The following CIMAP3 variants were observed in gnomAD, a reference collection of about 807,000 sequenced individuals.
The protein encoded by CIMAP3 is ciliary microtubule associated protein 3.
At chr1:111,351,872 C>T in the CIMAP3 span, 1 of 152,408 alleles carries the variant, frequency 6.6e-6, no homozygotes, top group Non-Finnish European at 1.5e-5. Context: ...TTTCCTATGA[C>T]ATCATCCATT....
the CIMAP3 span, among the ~76,000 whole-genome samples, chr1:111,343,391 C>T: frequency 6.6e-6 from 1 of 152,130 alleles, no homozygotes; most frequent in Non-Finnish European, 1.5e-5. Context: ...TGAGAAAAGC[C>T]ATTAACTGTC....
At chr1:111,325,210 C>T in the CIMAP3 span, among the ~76,000 whole-genome samples, 125 of 151,696 alleles carry the variant, frequency 8.2e-4, no homozygotes, top group African/African-American at 2.9e-3. Flanking sequence ...TCACTGTATA[C>T]GATTTGTCCT....
the CIMAP3 span, among the ~76,000 whole-genome samples, chr1:111,329,547 ATATATATATATAAT>A: frequency 9.2e-3 from 616 of 67,096 alleles, 4 homozygotes; most frequent in African/African-American, 0.023. Flanking sequence ...ATATATATAT[ATATATATATATAAT>A]TTTTTTTTTT....
the CIMAP3 span, among the ~76,000 whole-genome samples, chr1:111,328,116 A>G: frequency 2.6e-5 from 4 of 152,226 alleles, no homozygotes; most frequent in African/African-American, 7.2e-5. Flanking sequence ...CCCAAAAGTC[A>G]TTCAGAAGCA....
At chr1:111,330,271 G>A in the CIMAP3 span, among the ~76,000 whole-genome samples, 1 of 152,320 alleles carries the variant, frequency 6.6e-6, no homozygotes, top group Admixed American at 6.5e-5. Context: ...GGCCTTCTGA[G>A]TTACTAGAGT....
At chr1:111,339,524 A>C in the CIMAP3 span, among the ~76,000 whole-genome samples, 1 of 151,252 alleles carries the variant, frequency 6.6e-6, no homozygotes, top group African/African-American at 2.4e-5. Context: ...ATACAAAATC[A>C]ATGTGCAAAA....
chr1:111,337,627 A>G, the CIMAP3 span, among the ~76,000 whole-genome samples: 8 of 152,242 alleles, frequency 5.3e-5, no homozygotes, highest in Admixed American at 3.3e-4. Flanking sequence ...CAAGGGATCA[A>G]TTCAACAAGA....
At chr1:111,337,071 C>T in the CIMAP3 span, among the ~76,000 whole-genome samples, 1 of 152,250 alleles carries the variant, frequency 6.6e-6, no homozygotes, top group East Asian at 1.9e-4. Flanking sequence ...GAATTTTCAA[C>T]CCAGAATTTC....
At chr1:111,341,682 C>A in the CIMAP3 span, among the ~76,000 whole-genome samples, 1 of 152,286 alleles carries the variant, frequency 6.6e-6, no homozygotes, top group Admixed American at 6.5e-5. Flanking sequence ...TGTTGCATGG[C>A]AAATTTCCTT....
the CIMAP3 span, among the ~76,000 whole-genome samples, chr1:111,332,441 A>T: frequency 6.6e-6 from 1 of 152,074 alleles, no homozygotes; most frequent in African/African-American, 2.4e-5. Context: ...CTATAAAGCT[A>T]TTTCTGTGGC....
chr1:111,325,679 T>G, the CIMAP3 span, among the ~76,000 whole-genome samples: 5 of 152,196 alleles, frequency 3.3e-5, no homozygotes, highest in African/African-American at 1.2e-4. Context: ...AAAAAATAAT[T>G]TCTAACAAAA....
At chr1:111,326,552 T>A in the CIMAP3 span, among the ~76,000 whole-genome samples, 6 of 152,292 alleles carry the variant, frequency 3.9e-5, no homozygotes, top group African/African-American at 1.4e-4. Context: ...CATCTGTTTG[T>A]TTTATATCTT....
the CIMAP3 span, among the ~76,000 whole-genome samples, chr1:111,330,694 T>A: frequency 6.6e-6 from 1 of 152,248 alleles, no homozygotes; most frequent in East Asian, 1.9e-4. Flanking sequence ...TCAGTGCTTA[T>A]GTTTCTTCCT....
chr1:111,344,920 A>G, the CIMAP3 span, among the ~76,000 whole-genome samples: 1 of 152,190 alleles, frequency 6.6e-6, no homozygotes, highest in Admixed American at 6.5e-5. Flanking sequence ...ATTTTAAACC[A>G]TAGTTTTACT....
chr1:111,341,222 G>T, the CIMAP3 span, among the ~76,000 whole-genome samples: 1,163 of 150,806 alleles, frequency 7.7e-3, 16 homozygotes, highest in African/African-American at 0.027. Context: ...TGGGGGGAAG[G>T]GGGGAGGGAT....
the CIMAP3 span, among the ~76,000 whole-genome samples, chr1:111,343,637 T>C: frequency 1.3e-5 from 2 of 152,248 alleles, no homozygotes; most frequent in African/African-American, 4.8e-5. Context: ...TGCATTAGCC[T>C]ATTATCATTA....
chr1:111,350,822 A>G, the CIMAP3 span, among the ~76,000 whole-genome samples: 2 of 152,258 alleles, frequency 1.3e-5, no homozygotes, highest in Non-Finnish European at 2.9e-5. Flanking sequence ...CATTTAACAC[A>G]GTACTTGATA....
At chr1:111,338,427 T>A in the CIMAP3 span, among the ~76,000 whole-genome samples, 1 of 150,932 alleles carries the variant, frequency 6.6e-6, no homozygotes, top group Non-Finnish European at 1.5e-5. Flanking sequence ...TTTGAAAGGA[T>A]CAACAAAATT....
At chr1:111,330,853 C>T in the CIMAP3 span, among the ~76,000 whole-genome samples, 1 of 152,330 alleles carries the variant, frequency 6.6e-6, no homozygotes, top group East Asian at 1.9e-4. Flanking sequence ...GCTGTGGGCC[C>T]AAGCCAGGGG....
Sources: gnomAD v4.1 joint callset for allele counts (sites outside exome capture counted in the v4.1 genomes callset) on GRCh38, gnomAD v4.1.1 for gene constraint, MANE v1.5 for transcripts, NCBI Gene and HGNC (gene_info 2026-07-23, HGNC 2026-07-21) for gene names.